CACNB4: variants seen among roughly 807,000 people sequenced by gnomAD.
CACNB4 encodes voltage-dependent L-type calcium channel subunit beta-4.
CACNB4 carries 32 observed loss-of-function variants against 71.2 expected under a neutral mutation model. The ratio of observed to expected loss-of-function variants is 0.45; its 90% confidence interval spans 0.34 to 0.60. The LOEUF is 0.60. CACNB4 is among the 20% of genes least tolerant of loss of function. CACNB4 has a pLI of 0.01. For missense variants in CACNB4, 464 were observed against 647.9 expected, an observed-to-expected ratio of 0.72 and a Z score of 3.08; for synonymous variants, 231 against 236.9, an observed-to-expected ratio of 0.97 and a Z score of 0.23.
At chr2:151,963,854 G>A (rs2099870281) in intron 2 of CACNB4, among the ~76,000 whole-genome samples, 1 of 152,080 alleles carries the variant, frequency 6.6e-6, no homozygotes, top group African/African-American at 2.4e-5. Flanking sequence ...GATTACCTGA[G>A]GTCAGGAGTT....
intron 2 of CACNB4, among the ~76,000 whole-genome samples, chr2:151,887,144 G>C (rs1046209156): frequency 1.3e-5 from 2 of 152,156 alleles, no homozygotes; most frequent in Admixed American, 6.5e-5. Flanking sequence ...AAGACGTAAA[G>C]GTTACTAGGC....
chr2:152,035,651 C>CTCTCTCTA (rs796161186), intron 2 of CACNB4, among the ~76,000 whole-genome samples: 7,497 of 117,748 alleles, frequency 0.064, 427 homozygotes, highest in East Asian at 0.19. Context: ...CTCTCTCTCT[C>CTCTCTCTA]TATATATATA....
chr2:151,869,300 G>A (rs2099843994), intron 8 of CACNB4, 65 bp from the exon 9 acceptor site: 2 of 959,864 alleles, frequency 2.1e-6, no homozygotes, highest in Non-Finnish European at 1.6e-6. Context: ...GAAGTCAAAA[G>A]GGAGAGAGGA....
At chr2:152,085,959 T>C (rs1299789021) in intron 2 of CACNB4, among the ~76,000 whole-genome samples, 3 of 152,120 alleles carry the variant, frequency 2.0e-5, no homozygotes, top group African/African-American at 7.2e-5. Context: ...TTAGAAAACA[T>C]ACCAAGGTCC....
At chr2:151,976,803 T>G (rs2099873884) in intron 2 of CACNB4, among the ~76,000 whole-genome samples, 1 of 152,162 alleles carries the variant, frequency 6.6e-6, no homozygotes, top group African/African-American at 2.4e-5. Context: ...GGCTGAGAAG[T>G]AGTGAGACGT....
chr2:152,086,929 G>C (rs922100633), intron 2 of CACNB4, among the ~76,000 whole-genome samples: 3 of 151,918 alleles, frequency 2.0e-5, no homozygotes, highest in Non-Finnish European at 4.4e-5. Context: ...TTGGGAGTTC[G>C]AGACCAGCCT....
intron 13 of CACNB4, 69 bp downstream of exon 13, chr2:151,841,834 T>A (rs2099836309): frequency 3.7e-6 from 5 of 1,367,394 alleles, no homozygotes; most frequent in Non-Finnish European, 5.2e-6. Context: ...CCAGTCTCCA[T>A]CCTAATCAAG....
At chr2:152,012,330 G>A (rs897100787) in intron 2 of CACNB4, among the ~76,000 whole-genome samples, 7 of 152,112 alleles carry the variant, frequency 4.6e-5, no homozygotes, top group African/African-American at 1.2e-4. Context: ...ATTAAAAGGC[G>A]TGGTGGCTCA....
At chr2:151,933,746 C>A (rs1248856539) in intron 2 of CACNB4, among the ~76,000 whole-genome samples, 1 of 152,130 alleles carries the variant, frequency 6.6e-6, no homozygotes, top group Non-Finnish European at 1.5e-5. Context: ...TGATATCAAA[C>A]TCCATATATT....
rs984098315 is a variant in CACNB4, at chr2:151,837,472, C to T, written c.*1647G>A. ...CTTTGAGTGCCTGAATACTGAAAGGCTTGGGGAGAAAAGAAGATACTATAA... is the reference window on the plus strand; with the variant it reads ...CTTTGAGTGCCTGAATACTGAAAGGTTTGGGGAGAAAAGAAGATACTATAA... On this transcript the variant is annotated 3_prime_UTR_variant, in exon 14 of 14. Coordinates refer to ENST00000539935, the MANE Select transcript of CACNB4 (RefSeq NM_000726.5). The T allele has an allele frequency of 2.0e-5, 3 of 151,768 alleles. No homozygotes were observed. Among genetic ancestry groups the T allele is most frequent in the Non-Finnish European group, 4.4e-5 (3 of 67,884 alleles). The allele number at this position is 151,768 out of a possible 1,614,324, so 9.4% of individuals were successfully genotyped here. A position where few individuals can be genotyped will look rare whatever the true frequency, so the allele number is the denominator to read the frequency against.
At chr2:152,029,019 A>G (rs1579160485) in intron 2 of CACNB4, among the ~76,000 whole-genome samples, 1 of 152,352 alleles carries the variant, frequency 6.6e-6, no homozygotes, top group African/African-American at 2.4e-5. Context: ...TGTGTTGGTG[A>G]CATGGAAACA....
intron 2 of CACNB4, among the ~76,000 whole-genome samples, chr2:151,956,977 C>A (rs933179753): frequency 5.9e-5 from 9 of 152,132 alleles, no homozygotes; most frequent in African/African-American, 1.9e-4. Flanking sequence ...GAAACCCAGT[C>A]TCTATTAAAA....
At chr2:151,988,901 CTATTA>C (rs1234939627) in intron 2 of CACNB4, among the ~76,000 whole-genome samples, 2 of 152,268 alleles carry the variant, frequency 1.3e-5, no homozygotes, top group East Asian at 3.9e-4. Flanking sequence ...CCTTCCATAT[CTATTA>C]TGAGTTTTTT....
chr2:152,006,814 C>G (rs1006679741), intron 2 of CACNB4, among the ~76,000 whole-genome samples: 5 of 152,162 alleles, frequency 3.3e-5, no homozygotes, highest in Non-Finnish European at 5.9e-5. Context: ...AAGTTCCCAC[C>G]AGTTTCTGGA....
chr2:151,996,574 T>C (rs1303495433), intron 2 of CACNB4, among the ~76,000 whole-genome samples: 1 of 152,156 alleles, frequency 6.6e-6, no homozygotes, highest in Non-Finnish European at 1.5e-5. Flanking sequence ...ATAATCCTTC[T>C]GGCTTTCAGT....
chr2:152,003,874 G>A (rs944950584), intron 2 of CACNB4, among the ~76,000 whole-genome samples: 13 of 151,858 alleles, frequency 8.6e-5, no homozygotes, highest in Admixed American at 7.2e-4. Flanking sequence ...AAACAAACAT[G>A]GTCTCTGTCA....
intron 2 of CACNB4, among the ~76,000 whole-genome samples, chr2:152,016,110 T>C (rs533167504): frequency 1.6e-4 from 25 of 152,354 alleles, no homozygotes; most frequent in Admixed American, 2.6e-4. Context: ...ATATAGTGCA[T>C]CTGCTATAAA....
Position 152,098,637 on chromosome 2 carries a change from C to A in CACNB4, c.64-224G>T. On this transcript the variant is annotated intron_variant, in intron 1 of 13. Transcript: ENST00000539935. The surrounding 1 kb of genome is among the most constrained non-coding windows in gnomAD (Gnocchi z 5.3). ...CTCGAGAAGAGCAGCCCGCAAGCAC[C>A]CACCACATCCATTAACAAAGACTCT... 1 of 1,571,620 alleles carries A rather than the reference C, an allele frequency of 6.4e-7. No homozygotes were observed. The highest frequency in any genetic ancestry group is 2.4e-5 in the East Asian group (1 of 42,156).
chr2:151,919,242 C>A (rs1578794135), intron 2 of CACNB4, among the ~76,000 whole-genome samples: 1 of 152,240 alleles, frequency 6.6e-6, no homozygotes, highest in Admixed American at 6.5e-5. Flanking sequence ...CTTTTCTTTT[C>A]TTTGAGTGAG....
Sources: gnomAD v4.1 joint callset for allele counts (sites outside exome capture counted in the v4.1 genomes callset) on GRCh38, gnomAD v4.1.1 for gene constraint, Gnocchi (gnomAD v3.1) non-coding constraint, MANE v1.5 for transcripts, NCBI Gene and HGNC (gene_info 2026-07-23, HGNC 2026-07-21) for gene names.